Variants in CTNND2 observed in about 807,000 individuals in gnomAD.
CTNND2 encodes catenin delta 2, also known as catenin delta-2.
In CTNND2, 22 loss-of-function variants were observed where a neutral mutation model predicts 144.4. That is an observed-to-expected ratio of 0.15 (90% CI 0.11 to 0.22). CTNND2 has a LOEUF of 0.22. Ranked by LOEUF, CTNND2 falls within the 10% of genes least tolerant of loss-of-function variation. The pLI is 1.00. For missense variants in CTNND2, 1,353 were observed against 1,618.8 expected (o/e 0.84, Z 2.82); for synonymous variants, 751 against 695.6 (o/e 1.08, Z -1.25).
At chr5:11,096,233 G>C (rs1443573963) in intron 15 of CTNND2, among the ~76,000 whole-genome samples, 1 of 152,072 alleles carries the variant, frequency 6.6e-6, no homozygotes, top group East Asian at 1.9e-4. Context: ...TTGTTACACA[G>C]GTATACACAT....
At chr5:11,620,848 G>A (rs1780798011) in intron 2 of CTNND2, among the ~76,000 whole-genome samples, 1 of 152,164 alleles carries the variant, frequency 6.6e-6, no homozygotes, top group Admixed American at 6.5e-5. Context: ...TGGCTCGGAA[G>A]CCTATTCCCA....
intron 18 of CTNND2, among the ~76,000 whole-genome samples, chr5:11,003,391 T>C (rs943722863): frequency 6.6e-6 from 1 of 152,204 alleles, no homozygotes; most frequent in Non-Finnish European, 1.5e-5. Context: ...AAGACATTAA[T>C]GCTCACGTAT....
At chr5:11,050,752 T>C (rs1333713185) in intron 16 of CTNND2, among the ~76,000 whole-genome samples, 1 of 152,170 alleles carries the variant, frequency 6.6e-6, no homozygotes, top group Non-Finnish European at 1.5e-5. Flanking sequence ...TTGTGCAACA[T>C]TTGGCCCCAG....
At chr5:11,488,144 T>G (rs1049501012) in intron 3 of CTNND2, among the ~76,000 whole-genome samples, 1 of 152,220 alleles carries the variant, frequency 6.6e-6, no homozygotes, top group Non-Finnish European at 1.5e-5. Context: ...AATACTGACT[T>G]ACTTAGTATT....
chr5:11,378,384 G>A (rs1360332182), intron 7 of CTNND2, among the ~76,000 whole-genome samples: 2 of 152,200 alleles, frequency 1.3e-5, no homozygotes, highest in East Asian at 1.9e-4. Flanking sequence ...GCCCAGTTAG[G>A]TCTAGTTCGA....
intron 3 of CTNND2, among the ~76,000 whole-genome samples, chr5:11,471,689 T>G (rs1325529762): frequency 6.6e-6 from 1 of 152,204 alleles, no homozygotes; most frequent in Non-Finnish European, 1.5e-5. Context: ...CAAAAAGTGG[T>G]CCATTAAATA....
intron 13 of CTNND2, among the ~76,000 whole-genome samples, chr5:11,112,499 C>A (rs1465515253): frequency 6.6e-6 from 1 of 152,132 alleles, no homozygotes; most frequent in African/African-American, 2.4e-5. Context: ...TAATTTTATC[C>A]CAGTGAGACC....
chr5:11,488,941 G>A (rs1371075015), intron 3 of CTNND2, among the ~76,000 whole-genome samples: 1 of 152,190 alleles, frequency 6.6e-6, no homozygotes, highest in Non-Finnish European at 1.5e-5. Flanking sequence ...TGGACGTGTA[G>A]AGTTTAAGCA....
At chr5:11,806,585 C>T (rs917121429) in intron 1 of CTNND2, among the ~76,000 whole-genome samples, 1 of 152,090 alleles carries the variant, frequency 6.6e-6, no homozygotes, top group Admixed American at 6.6e-5. Context: ...CATCTACAAG[C>T]AATGTGCAGA....
chr5:11,705,542 CT>C (rs1283053322), intron 2 of CTNND2, among the ~76,000 whole-genome samples: 1 of 152,080 alleles, frequency 6.6e-6, no homozygotes, highest in East Asian at 1.9e-4. Context: ...TAGTATATAT[CT>C]GAGTAGTGAG....
chr5:11,830,629 A>T (rs1008587436), intron 1 of CTNND2, among the ~76,000 whole-genome samples: 1 of 152,128 alleles, frequency 6.6e-6, no homozygotes, highest in Non-Finnish European at 1.5e-5. Flanking sequence ...CCCAGTCTCA[A>T]ATATGTCTTT....
chr5:11,600,158 T>C (rs1015148543), intron 2 of CTNND2, among the ~76,000 whole-genome samples: 15 of 152,186 alleles, frequency 9.9e-5, no homozygotes, highest in Non-Finnish European at 1.5e-5. Context: ...AGGCAATCAC[T>C]GAAGTATTTA....
At chr5:11,156,672 A>G (rs1486218179) in intron 12 of CTNND2, among the ~76,000 whole-genome samples, 1 of 152,212 alleles carries the variant, frequency 6.6e-6, no homozygotes, top group Non-Finnish European at 1.5e-5. Context: ...GTCTTATTTT[A>G]AAACACAAAA....
At chr5:11,828,230 T>C (rs1427664620) in intron 1 of CTNND2, among the ~76,000 whole-genome samples, 2 of 152,140 alleles carry the variant, frequency 1.3e-5, no homozygotes, top group Non-Finnish European at 2.9e-5. Context: ...CTGATGGTTT[T>C]AAAAAGGGGA....
chr5:11,336,689 T>G (rs1753756714), intron 9 of CTNND2, among the ~76,000 whole-genome samples: 1 of 152,344 alleles, frequency 6.6e-6, no homozygotes, highest in African/African-American at 2.4e-5. Flanking sequence ...TGTGTACACA[T>G]ACTACATAGA....
intron 2 of CTNND2, among the ~76,000 whole-genome samples, chr5:11,725,450 TCTC>T (rs1207978102): frequency 2.0e-5 from 3 of 152,188 alleles, no homozygotes; most frequent in African/African-American, 7.2e-5. Flanking sequence ...CCTATTCTCT[TCTC>T]CTCGTTAAAT....
At position 11,734,078 on chromosome 5, in the gene CTNND2, T is replaced by A. The variant is rs180799811; in HGVS notation, c.38-1806A>T. On this transcript the variant is annotated intron_variant, in intron 1 of 21. Transcript: ENST00000304623. ...GTGAGGGCACAGCAATAAGGCATCA[T>A]CTATAAACCAGAAAGTCGGCCCTCC... Among the ~76,000 whole-genome samples, 458 of 152,278 alleles carry A rather than the reference T, an allele frequency of 3.0e-3. 3 individuals are homozygous for A. Among genetic ancestry groups the A allele is most frequent in the Non-Finnish European group, 5.3e-3 (358 of 68,020 alleles).
At chr5:11,551,484 T>C (rs909880113) in intron 3 of CTNND2, among the ~76,000 whole-genome samples, 28 of 146,530 alleles carry the variant, frequency 1.9e-4, no homozygotes, top group Non-Finnish European at 4.2e-4. Context: ...TTACCCAGGC[T>C]GGAGTGCAGT....
At chr5:11,236,148 T>C (rs1358278347) in intron 10 of CTNND2, among the ~76,000 whole-genome samples, 2 of 152,218 alleles carry the variant, frequency 1.3e-5, no homozygotes. Context: ...ACATGGACAA[T>C]AGTCTCCTTA....
Sources: gnomAD v4.1 joint callset for allele counts (sites outside exome capture counted in the v4.1 genomes callset) on GRCh38, gnomAD v4.1.1 for gene constraint, MANE v1.5 for transcripts, NCBI Gene and HGNC (gene_info 2026-07-23, HGNC 2026-07-21) for gene names.